The following NSL1 variants were observed in gnomAD, a reference collection of about 807,000 sequenced individuals.
NSL1 encodes NSL1 component of MIS12 kinetochore complex.
NSL1 carries 11 observed loss-of-function variants against 25.4 expected under a neutral mutation model. The observed-to-expected ratio is 0.43, with a 90% CI of 0.27 to 0.72. NSL1 has a LOEUF of 0.72. NSL1 is among the 30% of genes least tolerant of loss of function. The probability of loss-of-function intolerance (pLI) is 0.19; values close to 1 mark genes in which losing one functional copy is unlikely to be tolerated. For missense variants in NSL1, 330 were observed against 342.7 expected (o/e 0.96, Z 0.29); for synonymous variants, 118 against 120.6 (o/e 0.98, Z 0.14).
In NSL1 at chr1:212,729,143, A is replaced by G; in HGVS notation, c.*9265T>C. ...TTAGTGTTCCATCGTAGTTTCTAAAACCAGACAAAATCATTTCTTGCAAGC... is the reference window on the plus strand; with the variant it reads ...TTAGTGTTCCATCGTAGTTTCTAAAGCCAGACAAAATCATTTCTTGCAAGC... On this transcript the variant is annotated 3_prime_UTR_variant, in exon 6 of 6. Coordinates refer to ENST00000366977, the MANE Select transcript of NSL1 (RefSeq NM_015471.4). 1.0e-6 allele frequency: 1 copy of G among 985,458 alleles called. No homozygotes were observed. Among genetic ancestry groups the G allele is most frequent in the Non-Finnish European group, 1.2e-6 (1 of 829,936 alleles). 61.0% of individuals were successfully genotyped at this position (985,458 alleles called of 1,614,324 possible). A position where few individuals can be genotyped will look rare whatever the true frequency, so the allele number is the denominator to read the frequency against.
At chr1:212,772,735 G>A (rs986251221) in intron 4 of NSL1, among the ~76,000 whole-genome samples, 17 of 151,886 alleles carry the variant, frequency 1.1e-4, no homozygotes, top group African/African-American at 3.4e-4. Flanking sequence ...ACAAGAGTCC[G>A]AATAGCCAAA....
chr1:212,755,474 T>C (rs559645832), intron 4 of NSL1, among the ~76,000 whole-genome samples: 239 of 151,782 alleles, frequency 1.6e-3, no homozygotes, highest in Non-Finnish European at 2.6e-3. Flanking sequence ...TGTCTCTGTG[T>C]ATATAAGCAA....
At chr1:212,740,490 T>G (rs74138627) in intron 4 of NSL1, among the ~76,000 whole-genome samples, 3,753 of 150,322 alleles carry the variant, frequency 0.025, 133 homozygotes, top group African/African-American at 0.083. Context: ...GTTTTTTTTT[T>G]GTACCAGAAA....
At chr1:212,759,816 C>T (rs1346512582) in intron 4 of NSL1, among the ~76,000 whole-genome samples, 1 of 152,096 alleles carries the variant, frequency 6.6e-6, no homozygotes, top group Non-Finnish European at 1.5e-5. Flanking sequence ...TGTCCTACAC[C>T]CCAAGGAACC....
At chr1:212,759,344 C>G (rs1351657312) in intron 4 of NSL1, among the ~76,000 whole-genome samples, 6 of 152,124 alleles carry the variant, frequency 3.9e-5, no homozygotes, top group Admixed American at 6.5e-5. Flanking sequence ...TAGATAATCA[C>G]ATGTCAAAGA....
chr1:212,769,708 C>A (rs181909170), intron 4 of NSL1, among the ~76,000 whole-genome samples: 1 of 151,664 alleles, frequency 6.6e-6, no homozygotes, highest in Non-Finnish European at 1.5e-5. Flanking sequence ...GACATACAAA[C>A]GAGAGAGAGA....
Position 212,727,964 on chromosome 1 carries a change from A to G in NSL1, c.*10444T>C. ...GGTGAGAGCGTCTGAGACTCTGGACAAGGCCTTTGCTGTGAACCACGGGGA... is the reference window on the plus strand; with the variant it reads ...GGTGAGAGCGTCTGAGACTCTGGACGAGGCCTTTGCTGTGAACCACGGGGA... On this transcript the variant is annotated 3_prime_UTR_variant, in exon 6 of 6. Transcript: ENST00000366977. 1 of 985,436 alleles carries G rather than the reference A, an allele frequency of 1.0e-6. No homozygotes were observed. Among genetic ancestry groups the G allele is most frequent in the Non-Finnish European group, 1.2e-6 (1 of 829,926 alleles). The allele number at this position is 985,436 out of a possible 1,614,324, so 61.0% of individuals were successfully genotyped here. A position where few individuals can be genotyped will look rare whatever the true frequency, so the allele number is the denominator to read the frequency against.
intron 4 of NSL1, among the ~76,000 whole-genome samples, chr1:212,773,459 A>G (rs569721412): frequency 2.0e-4 from 30 of 152,258 alleles, no homozygotes; most frequent in Non-Finnish European, 4.0e-4. Flanking sequence ...CATCAGGGAA[A>G]TGCAAATCAA....
At chr1:212,750,892 G>A (rs1196631108) in intron 4 of NSL1, among the ~76,000 whole-genome samples, 1 of 152,136 alleles carries the variant, frequency 6.6e-6, no homozygotes, top group African/African-American at 2.4e-5. Context: ...AGTGAGCCGA[G>A]ATAGCGCCAC....
rs1279992388 is a variant in NSL1 at position 212,729,592 on chromosome 1, AG to A, written c.*8815del. The A allele has an allele frequency of 1.0e-6, 1 of 985,296 alleles. No individual in the cohort carries two copies. The highest frequency in any genetic ancestry group is 1.7e-5 in the African/African-American group (1 of 57,232). The allele number at this position is 985,296 out of a possible 1,614,324, so 61.0% of individuals were successfully genotyped here. A position where few individuals can be genotyped will look rare whatever the true frequency, so the allele number is the denominator to read the frequency against. On this transcript the variant is annotated 3_prime_UTR_variant, in exon 6 of 6. Transcript: ENST00000366977. ...CATCCCCTCATTTCTACACTTCCTC[AG>A]GATCAGAGGCAGGCACACAGGGCAT...
At chr1:212,774,602 C>T (rs1421632607) in intron 4 of NSL1, among the ~76,000 whole-genome samples, 2 of 152,282 alleles carry the variant, frequency 1.3e-5, no homozygotes, top group Non-Finnish European at 2.9e-5. Flanking sequence ...ACATTGTTAG[C>T]CATTACAGAA....
intron 5 of NSL1, among the ~76,000 whole-genome samples, chr1:212,739,202 T>C (rs1296199131): frequency 3.3e-5 from 5 of 152,230 alleles, no homozygotes; most frequent in African/African-American, 4.8e-5. Context: ...AGACAATACA[T>C]GTAAAGCAGT....
intron 4 of NSL1, among the ~76,000 whole-genome samples, chr1:212,776,737 AC>A (rs200807511): frequency 3.9e-4 from 50 of 128,418 alleles, no homozygotes; most frequent in African/African-American, 8.3e-4. Flanking sequence ...AACAACAACA[AC>A]AAAAAAAACC....
intron 4 of NSL1, among the ~76,000 whole-genome samples, chr1:212,775,042 C>A (rs917036173): frequency 3.3e-5 from 5 of 152,124 alleles, no homozygotes; most frequent in African/African-American, 1.2e-4. Flanking sequence ...TATGTCCATA[C>A]AATGGAATAT....
chr1:212,777,773 C>A (rs1050540806), intron 4 of NSL1, among the ~76,000 whole-genome samples: 2 of 152,124 alleles, frequency 1.3e-5, no homozygotes, highest in African/African-American at 2.4e-5. Context: ...AGGTCTGAAA[C>A]AAGTATGACA....
chr1:212,727,118 A>T lies in NSL1; in HGVS notation c.*11290T>A. Reference sequence around the variant, plus strand: ...CAGTTCACCAGAGGCAGAAGGGATGAAGGTTCCCCGATCCCCTTCTCTCCT... The same window carrying T: ...CAGTTCACCAGAGGCAGAAGGGATGTAGGTTCCCCGATCCCCTTCTCTCCT... On this transcript the variant is annotated 3_prime_UTR_variant, in exon 6 of 6. Transcript: ENST00000366977. 1 of 1,565,348 alleles carries T rather than the reference A, an allele frequency of 6.4e-7. No homozygotes were observed. Among genetic ancestry groups the T allele is most frequent in the Admixed American group, 1.9e-5 (1 of 53,678 alleles).
intron 4 of NSL1, chr1:212,764,022 G>A (rs111688193): frequency 2.3e-6 from 1 of 441,054 alleles, no homozygotes; most frequent in African/African-American, 2.0e-5. Context: ...TAGGTGATAT[G>A]ATGGGCCACA....
At position 212,760,151 on chromosome 1, in the gene NSL1, C is replaced by A. The variant is rs1485262257; in HGVS notation, c.500-20550G>T. ...GCCAGCTGCTTCTGGGGCACACACA[C>A]ACACACACCATAAGGGAGCTTAACA... is the stretch of plus-strand genomic sequence containing the variant. On this transcript the variant is annotated intron_variant, in intron 4 of 5. Coordinates refer to ENST00000366977, the MANE Select transcript of NSL1 (RefSeq NM_015471.4). This position sits in a 1 kb window ranked among gnomAD's most constrained non-coding sequence, Gnocchi z 4.3. Among the ~76,000 whole-genome samples, 1 of 152,122 alleles carries A rather than the reference C, an allele frequency of 6.6e-6. No homozygotes were observed. The highest frequency in any genetic ancestry group is 1.9e-4 in the East Asian group (1 of 5,166).
rs1261257059 is a variant in NSL1 at position 212,728,013 on chromosome 1, T to C, written c.*10395A>G. On this transcript the variant is annotated 3_prime_UTR_variant, in exon 6 of 6. Transcript: ENST00000366977. ...GAGAAGGTGGAAGCAGAGTTTGTGG[T>C]CAGAAGGCCTCGCTCTGCTCTACAT... 3.0e-6 allele frequency: 3 copies of C among 985,294 alleles called. No homozygotes were observed. In the African/African-American group the frequency reaches 5.2e-5, roughly 17 times the overall value. 61.0% of individuals were successfully genotyped at this position (985,294 alleles called of 1,614,324 possible).
Sources: allele counts gnomAD v4.1 joint callset (sites outside exome capture counted in the v4.1 genomes callset), GRCh38; gene constraint gnomAD v4.1.1; non-coding constraint Gnocchi (gnomAD v3.1); transcripts MANE v1.5; gene names NCBI Gene and HGNC (gene_info 2026-07-23, HGNC 2026-07-21).